FAM151B: variants seen among roughly 807,000 people sequenced by gnomAD.
FAM151B encodes the protein family with sequence similarity 151 member B.
FAM151B carries 24 observed loss-of-function variants against 31.2 expected under a neutral mutation model. The ratio of observed to expected loss-of-function variants is 0.77; its 90% CI spans 0.56 to 1.08. FAM151B has a LOEUF of 1.08. FAM151B is among the 50% of genes least tolerant of loss of function. FAM151B has a pLI of 0.00. For missense variants in FAM151B, 293 were observed against 328.6 expected, an observed-to-expected ratio of 0.89 and a Z score of 0.84; for synonymous variants, 105 against 111.4, an observed-to-expected ratio of 0.94 and a Z score of 0.36.
chr5:80,498,477 G>T, intron 1 of FAM151B: 1 of 641,968 alleles, frequency 1.6e-6, no homozygotes. Context: ...TTGGTTTTTT[G>T]GGGGGCTTTT....
intron 2 of FAM151B, among the ~76,000 whole-genome samples, chr5:80,504,061 A>G (rs987622012): frequency 1.3e-5 from 2 of 152,084 alleles, no homozygotes; most frequent in East Asian, 3.9e-4. Context: ...AGTCCATCCA[A>G]CTGCTTATTG....
At chr5:80,515,738 A>G (rs921045644) in intron 3 of FAM151B, among the ~76,000 whole-genome samples, 7 of 152,248 alleles carry the variant, frequency 4.6e-5, no homozygotes, top group African/African-American at 1.7e-4. Context: ...ACACTGTTGT[A>G]AAAGCATTGC....
chr5:80,492,376 T>G (rs1743365128), intron 1 of FAM151B, among the ~76,000 whole-genome samples: 1 of 152,214 alleles, frequency 6.6e-6, no homozygotes, highest in Non-Finnish European at 1.5e-5. Context: ...ATAATTGTTT[T>G]GGGGCACCAC....
At chr5:80,500,575 T>G in intron 1 of FAM151B, 1 of 756,178 alleles carries the variant, frequency 1.3e-6, no homozygotes, top group Non-Finnish European at 2.4e-6. Context: ...GCAACTTCTG[T>G]GTACCTGCAG....
At position 80,490,019 on chromosome 5, in the gene FAM151B, TACACACACACAC is replaced by T. The variant is rs71601587; in HGVS notation, c.25+1893_25+1904del. Among the ~76,000 whole-genome samples the T allele has an allele frequency of 2.9e-3, 426 of 144,702 alleles. 3 individuals carry two copies. Among genetic ancestry groups the T allele is most frequent in the African/African-American group, 0.01 (405 of 38,944 alleles). The allele number at this position is 144,702 out of a possible 152,430, so 94.9% of individuals were successfully genotyped here. On this transcript the variant is annotated intron_variant, in intron 1 of 5. Coordinates refer to ENST00000282226, the MANE Select transcript of FAM151B (RefSeq NM_205548.3). ...TCCGTTATATGTCATTTTTCCCCCTTACACACACACACACACACACACACACACACACATTCT... is the reference window on the plus strand; with the variant it reads ...TCCGTTATATGTCATTTTTCCCCCTTACACACACACACACACACACATTCT...
rs369053764 is a variant in FAM151B at position 80,501,854 on chromosome 5, G to A, written c.88G>A (p.Gly30Ser). The change falls in exon 2 of 6, where the codon GGT (glycine) becomes AGT (serine). Residue 30 changes from glycine to serine, a missense_variant. Physicochemically the swap from Gly to Ser is moderately conservative, Grantham distance 56. Coordinates refer to ENST00000282226, the MANE Select transcript of FAM151B (RefSeq NM_205548.3). ...AAATAGCCAGATTACAGCAGAAGAC[G>A]GTGCTGAGATCACCTGGTATCATGC... ...LRNSQITAED[G>S]AEITWYHAAN... 2.1e-5 allele frequency: 34 copies of A among 1,603,278 alleles called. No individual in the cohort carries two copies. The highest frequency in any genetic ancestry group is 1.7e-4 in the Middle Eastern group (1 of 6,056).
At chr5:80,537,903 A>G (rs1046714400) in intron 5 of FAM151B, among the ~76,000 whole-genome samples, 5 of 143,290 alleles carry the variant, frequency 3.5e-5, no homozygotes, top group South Asian at 2.2e-4. Flanking sequence ...AAATTAATTC[A>G]AAAACTTAAT....
At chr5:80,529,280 AAGC>A (rs1359799519) in intron 5 of FAM151B, among the ~76,000 whole-genome samples, 1 of 152,224 alleles carries the variant, frequency 6.6e-6, no homozygotes, top group Non-Finnish European at 1.5e-5. Flanking sequence ...CCACAAGAGA[AAGC>A]AGGAAAGATC....
chr5:80,535,597 A>G (rs1276855809), intron 5 of FAM151B, among the ~76,000 whole-genome samples: 1 of 152,230 alleles, frequency 6.6e-6, no homozygotes, highest in Non-Finnish European at 1.5e-5. Flanking sequence ...ATCAAAATGG[A>G]TTAAATACTT....
chr5:80,494,118 T>C (rs1743414899), intron 1 of FAM151B, among the ~76,000 whole-genome samples: 1 of 152,234 alleles, frequency 6.6e-6, no homozygotes, highest in Non-Finnish European at 1.5e-5. Flanking sequence ...CCCCGATATA[T>C]GGAGAAAGTT....
intron 5 of FAM151B, among the ~76,000 whole-genome samples, chr5:80,538,444 CTTTCTCTTTCTTTCTTTCTTT>C (rs1745657901): frequency 1.8e-5 from 1 of 54,416 alleles, no homozygotes; most frequent in African/African-American, 9.8e-5. Flanking sequence ...TTCTTTCTTT[CTTTCTCTTTCTTTCTTTCTTT>C]CTTTCTTTCT....
Position 80,511,941 on chromosome 5 carries a change from T to A in FAM151B, c.152-1663T>A, listed in dbSNP as rs191086095. ...ATTTTAAATGGTCAGCATTGTTTTT[T>A]ATAATTCACTATGCTACATAATTCA... On this transcript the variant is annotated intron_variant, in intron 2 of 5. Transcript: ENST00000282226. Among the ~76,000 whole-genome samples, 1,104 of 152,334 alleles carry A rather than the reference T, an allele frequency of 7.2e-3. 11 individuals are homozygous for A. The highest frequency in any genetic ancestry group is 0.025 in the African/African-American group (1,028 of 41,582).
chr5:80,524,568 A>G (rs1744871619), intron 5 of FAM151B, among the ~76,000 whole-genome samples: 1 of 152,112 alleles, frequency 6.6e-6, no homozygotes, highest in Non-Finnish European at 1.5e-5. Context: ...TATTCCATAG[A>G]AAAAAACTAC....
At position 80,533,707 on chromosome 5, in the gene FAM151B, A is replaced by C. The variant is rs1382662242; in HGVS notation, c.672-7966A>C. Reference sequence around the variant, plus strand: ...AGAGATTGCAGTGAGCCGAGATCACACCACTGCACTCCAGTCTGGGCAACA... The same window carrying C: ...AGAGATTGCAGTGAGCCGAGATCACCCCACTGCACTCCAGTCTGGGCAACA... On this transcript the variant is annotated intron_variant, in intron 5 of 5. Transcript: ENST00000282226. Among the ~76,000 whole-genome samples the C allele has an allele frequency of 7.2e-5, 10 of 139,748 alleles. No homozygotes were observed. In the East Asian group the frequency reaches 1.9e-3, roughly 27 times the overall value. 91.7% of individuals were successfully genotyped at this position (139,748 alleles called of 152,430 possible).
At chr5:80,503,140 C>G (rs1442712102) in intron 2 of FAM151B, among the ~76,000 whole-genome samples, 1 of 151,898 alleles carries the variant, frequency 6.6e-6, no homozygotes, top group Non-Finnish European at 1.5e-5. Context: ...TAAATTATGT[C>G]TCAGTTTTTA....
chr5:80,489,724 A>G (rs1454834423), intron 1 of FAM151B, among the ~76,000 whole-genome samples: 1 of 152,170 alleles, frequency 6.6e-6, no homozygotes, highest in Non-Finnish European at 1.5e-5. Flanking sequence ...GGAGATCAAG[A>G]CCATCCTGGC....
At chr5:80,499,233 A>T (rs1361814931) in intron 1 of FAM151B, among the ~76,000 whole-genome samples, 1 of 152,200 alleles carries the variant, frequency 6.6e-6, no homozygotes, top group East Asian at 1.9e-4. Context: ...TATGGAATAG[A>T]TCTGGGTTCA....
At chr5:80,524,751 A>G (rs1744883961) in intron 5 of FAM151B, among the ~76,000 whole-genome samples, 1 of 152,196 alleles carries the variant, frequency 6.6e-6, no homozygotes, top group African/African-American at 2.4e-5. Context: ...AAATCTGGAT[A>G]ATATGCTTCT....
chr5:80,537,866 A>G (rs1040705086), intron 5 of FAM151B, among the ~76,000 whole-genome samples: 1 of 151,812 alleles, frequency 6.6e-6, no homozygotes, highest in African/African-American at 2.4e-5. Flanking sequence ...TTTTAAAAGT[A>G]TTTTAAATTT....
Sources: gnomAD v4.1 joint callset for allele counts (sites outside exome capture counted in the v4.1 genomes callset) on GRCh38, gnomAD v4.1.1 for gene constraint, MANE v1.5 for transcripts, NCBI Gene and HGNC (gene_info 2026-07-23, HGNC 2026-07-21) for gene names.